The following MPRIP variants were observed in gnomAD, a reference collection of about 807,000 sequenced individuals.
The protein encoded by MPRIP is myosin phosphatase Rho interacting protein.
MPRIP carries 59 observed loss-of-function variants against 234.9 expected under a neutral mutation model. The observed-to-expected ratio is 0.25, with a 90% CI of 0.20 to 0.31. The LOEUF is 0.31. MPRIP is among the 10% of genes least tolerant of loss of function. The probability of loss-of-function intolerance (pLI) is 1.00; values close to 1 mark genes in which losing one functional copy is unlikely to be tolerated. For synonymous variants in MPRIP, 1,144 were observed against 1,263.9 expected, an observed-to-expected ratio of 0.91 and a Z score of 2.01; for missense variants, 2,436 against 3,071.0, an observed-to-expected ratio of 0.79 and a Z score of 4.89.
chr17:17,166,845 G>GA lies in MPRIP; in HGVS notation c.5256dup (p.Val1753SerfsTer17). 7.7e-7 allele frequency: 1 copy of GA among 1,304,216 alleles called. No individual in the cohort carries two copies. The highest frequency in any genetic ancestry group is 1.0e-6 in the Non-Finnish European group (1 of 988,956). The allele number at this position is 1,304,216 out of a possible 1,614,324, so 80.8% of individuals were successfully genotyped here. ...GTCCTGGGACCTGAGCCCCTTAGGA[G>GA]AAGTCCTGGGCCGAGACTCAGACAG... On this transcript the variant is annotated frameshift_variant, in exon 16 of 24. Transcript: ENST00000651222. LOFTEE classifies it high-confidence loss of function. The surrounding 1 kb of genome is among the most constrained non-coding windows in gnomAD (Gnocchi z 4.4).
intron 3 of MPRIP, among the ~76,000 whole-genome samples, chr17:17,122,589 G>T (rs1337033812): frequency 6.6e-6 from 1 of 152,176 alleles, no homozygotes; most frequent in African/African-American, 2.4e-5. Flanking sequence ...TCCTGACCTC[G>T]TGATCCGCCC....
Position 17,059,005 on chromosome 17 carries a change from G to C in MPRIP, c.123+16034G>C, listed in dbSNP as rs188603675. On this transcript the variant is annotated intron_variant, in intron 1 of 23. Coordinates refer to ENST00000651222, the MANE Select transcript of MPRIP (RefSeq NM_001364716.4). ...ATGCTCTTGATTATTGAGGCCCTCA[G>C]AACGCTTTAGTTTACCTGGGTTATG... Among the ~76,000 whole-genome samples the C allele has an allele frequency of 5.6e-3, 856 of 152,258 alleles. 7 individuals carry two copies. Among genetic ancestry groups the C allele is most frequent in the Non-Finnish European group, 0.011 (715 of 68,022 alleles).
Position 17,172,725 on chromosome 17 carries a change from G to A in MPRIP, c.6500G>A (p.Arg2167Gln), listed in dbSNP as rs1326003223. ...ATCGAAGCCATGAAGAACGCCCACC[G>A]GGAGGAAATGGAGCGGGAGCTGGAG... ...SAIEAMKNAHREEMERELEKS... is the reference protein window; with the variant it reads ...SAIEAMKNAHQEEMERELEKS... Residue 2167 changes from arginine (R) to glutamine (Q), a missense_variant, in exon 18 of 24, where the codon CGG becomes CAG. Coordinates refer to ENST00000651222, the MANE Select transcript of MPRIP (RefSeq NM_001364716.4). 9 of 1,611,738 alleles carry A rather than the reference G, an allele frequency of 5.6e-6. No homozygotes were observed. The highest frequency in any genetic ancestry group is 7.6e-6 in the Non-Finnish European group (9 of 1,179,986).
At chr17:17,086,769 G>A (rs553913313) in intron 3 of MPRIP, among the ~76,000 whole-genome samples, 4 of 152,330 alleles carry the variant, frequency 2.6e-5, no homozygotes, top group African/African-American at 9.6e-5. Flanking sequence ...TCCCTGAAGT[G>A]TAATTTACGG....
chr17:17,046,621 G>A (rs1464495396), intron 1 of MPRIP, among the ~76,000 whole-genome samples: 1 of 152,026 alleles, frequency 6.6e-6, no homozygotes, highest in Non-Finnish European at 1.5e-5. Context: ...TGTTTCTTTT[G>A]TGGATTGCCT....
At chr17:17,128,835 G>T (rs372999084) in intron 4 of MPRIP, among the ~76,000 whole-genome samples, 1 of 152,136 alleles carries the variant, frequency 6.6e-6, no homozygotes, top group Non-Finnish European at 1.5e-5. Context: ...TCTGTCTCCT[G>T]CCCTCGCTGA....
intron 3 of MPRIP, among the ~76,000 whole-genome samples, chr17:17,126,001 A>G (rs1210275476): frequency 6.6e-6 from 1 of 152,054 alleles, no homozygotes; most frequent in African/African-American, 2.4e-5. Context: ...GGGCTAAACA[A>G]GTCATCTCCA....
chr17:17,070,795 G>C (rs1032043652), intron 1 of MPRIP, among the ~76,000 whole-genome samples: 8 of 152,130 alleles, frequency 5.3e-5, no homozygotes, highest in African/African-American at 1.9e-4. Context: ...CCTGGTTCTT[G>C]GTATGATGAT....
rs752553172 is a variant in MPRIP, at chr17:17,175,419, T to C, written c.6870+7T>C. ...GGATGCCTATGAACTAGAGGTACCA[T>C]CAGGAGCCAGGCCCTGCCTGACTCA... On this transcript the variant is annotated splice_region_variant and intron_variant, in intron 20 of 23. Transcript: ENST00000651222. 2 of 1,602,290 alleles carry C rather than the reference T, an allele frequency of 1.2e-6. No homozygotes were observed. The highest frequency in any genetic ancestry group is 1.1e-5 in the South Asian group (1 of 89,834).
intron 15 of MPRIP, among the ~76,000 whole-genome samples, chr17:17,161,717 AT>A (rs1374752932): frequency 6.6e-6 from 1 of 152,204 alleles, no homozygotes; most frequent in Non-Finnish European, 1.5e-5. Context: ...CACTATAGTA[AT>A]ATTGGACCTA....
chr17:17,101,190 C>A lies in MPRIP; in HGVS notation c.267+23114C>A, dbSNP rs191113930. On this transcript the variant is annotated intron_variant, in intron 3 of 23. Coordinates refer to ENST00000651222, the MANE Select transcript of MPRIP (RefSeq NM_001364716.4). ...CCTTGCTTCACCCTCAATAAAGTATCTTCCTGGTCTCAGGCCCAGTGACAC... is the reference window on the plus strand; with the variant it reads ...CCTTGCTTCACCCTCAATAAAGTATATTCCTGGTCTCAGGCCCAGTGACAC... Among the ~76,000 whole-genome samples the A allele has an allele frequency of 1.2e-4, 18 of 152,336 alleles. No homozygotes were observed. The East Asian group carries it at 3.5e-3, about 29-fold the overall frequency.
intron 13 of MPRIP, among the ~76,000 whole-genome samples, chr17:17,157,281 A>G (rs2045749853): frequency 1.3e-5 from 2 of 152,208 alleles, no homozygotes; most frequent in Non-Finnish European, 2.9e-5. Flanking sequence ...ACCTGGCTTC[A>G]CTCCACTTAC....
intron 1 of MPRIP, among the ~76,000 whole-genome samples, chr17:17,047,294 G>A (rs1052453347): frequency 3.3e-5 from 5 of 152,164 alleles, no homozygotes; most frequent in Non-Finnish European, 5.9e-5. Flanking sequence ...ATATTAATCC[G>A]ATGCTTGCCA....
intron 5 of MPRIP, among the ~76,000 whole-genome samples, chr17:17,134,119 T>C (rs1031331646): frequency 4.6e-5 from 7 of 152,184 alleles, no homozygotes; most frequent in African/African-American, 1.7e-4. Context: ...TCCTTAAGAA[T>C]CCTGTTTTTT....
rs1262360772 is a variant in MPRIP at position 17,189,574 on chromosome 17, A to G, written c.*4680A>G. 1 of 152,188 alleles carries G rather than the reference A, an allele frequency of 6.6e-6. No homozygotes were observed. The highest frequency in any genetic ancestry group is 1.5e-5 in the Non-Finnish European group (1 of 68,024). The allele number at this position is 152,188 out of a possible 1,614,324, so 9.4% of individuals were successfully genotyped here. Reference sequence around the variant, plus strand: ...AAGTATTGTCAAAGTTCTATAAAGAATGGAAATGTATGATATTATACTTCA... The same window carrying G: ...AAGTATTGTCAAAGTTCTATAAAGAGTGGAAATGTATGATATTATACTTCA... On this transcript the variant is annotated 3_prime_UTR_variant, in exon 24 of 24. Coordinates refer to ENST00000651222, the MANE Select transcript of MPRIP (RefSeq NM_001364716.4).
intron 3 of MPRIP, among the ~76,000 whole-genome samples, chr17:17,122,453 ACG>A (rs1185955042): frequency 6.6e-6 from 1 of 152,218 alleles, no homozygotes; most frequent in Non-Finnish European, 1.5e-5. Flanking sequence ...TCCCGGGTTC[ACG>A]CCATTCTCCT....
intron 7 of MPRIP, among the ~76,000 whole-genome samples, chr17:17,139,661 C>G (rs544603943): frequency 1.2e-4 from 18 of 152,328 alleles, no homozygotes; most frequent in African/African-American, 4.1e-4. Context: ...CCCTTTTCTT[C>G]TGAGCACCCA....
At chr17:17,173,828 G>T in intron 18 of MPRIP, 88 bp from the exon 19 acceptor site, 1 of 1,471,452 alleles carries the variant, frequency 6.8e-7, no homozygotes, top group Non-Finnish European at 9.5e-7. Context: ...ACCTGTGCTT[G>T]GCTGTGTCTG....
intron 3 of MPRIP, among the ~76,000 whole-genome samples, chr17:17,087,300 C>T (rs1162909491): frequency 1.3e-5 from 2 of 152,158 alleles, no homozygotes; most frequent in Non-Finnish European, 2.9e-5. Context: ...CCTGTCCCGA[C>T]TTAGAGCCTG....
Sources: allele counts gnomAD v4.1 joint callset (sites outside exome capture counted in the v4.1 genomes callset), GRCh38; gene constraint gnomAD v4.1.1; non-coding constraint Gnocchi (gnomAD v3.1); transcripts MANE v1.5; gene names NCBI Gene and HGNC (gene_info 2026-07-23, HGNC 2026-07-21).